Variants in TENM3 observed in about 807,000 individuals in gnomAD.
TENM3 encodes teneurin transmembrane protein 3.
TENM3 carries 63 observed loss-of-function variants against 255.1 expected under a neutral mutation model. The observed-to-expected ratio is 0.25, with a 90% confidence interval of 0.20 to 0.30. The LOEUF (loss-of-function observed/expected upper bound fraction) is 0.30, where lower values mean the gene tolerates loss of function less well. Among genes scored for constraint, TENM3 ranks in the 10% least tolerant of loss-of-function variants. The pLI is 1.00. For missense variants in TENM3, 2,929 were observed against 3,461.1 expected (o/e 0.85, Z 3.86); for synonymous variants, 1,306 against 1,322.3 (o/e 0.99, Z 0.27).
intron 2 of TENM3, among the ~76,000 whole-genome samples, chr4:182,340,501 C>G (rs1764420294): frequency 1.3e-5 from 2 of 152,118 alleles, no homozygotes; most frequent in African/African-American, 4.8e-5. Context: ...AAGTTAGTTT[C>G]TTAAACCTGT....
intron 1 of TENM3, among the ~76,000 whole-genome samples, chr4:182,255,072 A>G (rs1449555177): frequency 6.6e-6 from 1 of 152,196 alleles, no homozygotes; most frequent in African/African-American, 2.4e-5. Flanking sequence ...AGTGCAGCAC[A>G]AAGGAGCCAG....
the TENM3 span, among the ~76,000 whole-genome samples, chr4:181,863,690 G>A: frequency 6.6e-6 from 1 of 151,984 alleles, no homozygotes; most frequent in African/African-American, 2.4e-5. Context: ...CATTATTGCA[G>A]GTCCCCTACT....
the TENM3 span, among the ~76,000 whole-genome samples, chr4:181,713,874 C>CCCT: frequency 6.6e-6 from 1 of 152,126 alleles, no homozygotes; most frequent in Non-Finnish European, 1.5e-5. Flanking sequence ...GATCAAGGTA[C>CCCT]CCTTAGCCAA....
chr4:182,041,976 G>A, the TENM3 span, among the ~76,000 whole-genome samples: 1 of 152,162 alleles, frequency 6.6e-6, no homozygotes, highest in South Asian at 2.1e-4. Context: ...TCAGATGAAT[G>A]AGGACATTCG....
At chr4:182,250,688 A>C (rs1367784911) in intron 1 of TENM3, among the ~76,000 whole-genome samples, 1 of 152,256 alleles carries the variant, frequency 6.6e-6, no homozygotes, top group Non-Finnish European at 1.5e-5. Context: ...TAAACTATCT[A>C]TAACCTCCAG....
At chr4:181,858,089 T>A in the TENM3 span, among the ~76,000 whole-genome samples, 1 of 152,200 alleles carries the variant, frequency 6.6e-6, no homozygotes, top group Non-Finnish European at 1.5e-5. Context: ...ATTAAAATCA[T>A]TTAATTTTGG....
At chr4:182,638,979 G>T (rs1015028926) in intron 5 of TENM3, among the ~76,000 whole-genome samples, 1 of 152,174 alleles carries the variant, frequency 6.6e-6, no homozygotes, top group African/African-American at 2.4e-5. Context: ...GGTTTTGAGA[G>T]AAAATTGTAC....
At chr4:182,710,749 T>G (rs1758690712) in intron 12 of TENM3, among the ~76,000 whole-genome samples, 1 of 152,220 alleles carries the variant, frequency 6.6e-6, no homozygotes, top group Non-Finnish European at 1.5e-5. Context: ...TTTAGATCAT[T>G]AAAGATGTAT....
rs997792715 is a variant in TENM3, at chr4:182,745,359, G to T, written c.3629+1940G>T. Reference sequence around the variant, plus strand: ...AGCTCTGCTATTAGAAACCACAATAGAATTTCAAAAACTTGCTGGTCTTGT... The same window carrying T: ...AGCTCTGCTATTAGAAACCACAATATAATTTCAAAAACTTGCTGGTCTTGT... On this transcript the variant is annotated intron_variant, in intron 19 of 27. Coordinates refer to ENST00000511685, the MANE Select transcript of TENM3 (RefSeq NM_001080477.4). 2.0e-5 allele frequency among the ~76,000 whole-genome samples: 3 copies of T among 152,158 alleles called. No individual in the cohort carries two copies. In the South Asian group the frequency reaches 6.2e-4, roughly 32 times the overall value.
chr4:182,789,358 G>A lies in TENM3; in HGVS notation c.5570G>A (p.Gly1857Asp), dbSNP rs1267354032. The A allele has an allele frequency of 6.2e-7, 1 of 1,613,568 alleles. No individual in the cohort carries two copies. Among genetic ancestry groups the A allele is most frequent in the East Asian group, 2.2e-5 (1 of 44,868 alleles). The change falls in exon 25 of 28, where the codon GGT becomes GAT. Residue 1857 changes from glycine (G) to aspartate (D), a missense_variant. Physicochemically the swap from Gly to Asp is moderately conservative, Grantham distance 94. This residue lies in a region of TENM3 where 303 missense variants were observed against 425.2 expected (regional missense o/e 0.71). Transcript: ENST00000511685. The surrounding 1 kb of genome is among the most constrained non-coding windows in gnomAD (Gnocchi z 4.4). ...ATCGTGTCTCGGGTCTTTGCTGATG[G>A]TAAAACATGGAGTTACACATATTTA... ...GRIVSRVFAD[G>D]KTWSYTYLEK... is the part of the protein sequence containing the mutation.
Position 182,681,962 on chromosome 4 carries a change from A to G in TENM3, c.1983A>G (p.Glu661=). ...QCSGHGTYLQ[E]SGSCTCDPNW... ...CCGGCCACGGAACGTATCTTCAAGA[A>G]AGTGGCTCCTGCACGTGTGACCCTA... Residue 661 remains glutamate, a synonymous_variant, in exon 11 of 28, where the codon GAA becomes GAG. Transcript: ENST00000511685. The G allele has an allele frequency of 6.2e-7, 1 of 1,613,984 alleles. No homozygotes were observed. Among genetic ancestry groups the G allele is most frequent in the Non-Finnish European group, 8.5e-7 (1 of 1,179,876 alleles).
chr4:182,690,055 G>T (rs1041502353), intron 12 of TENM3, among the ~76,000 whole-genome samples: 2 of 152,206 alleles, frequency 1.3e-5, no homozygotes, highest in Non-Finnish European at 1.5e-5. Context: ...CCTAAGAAGA[G>T]TAGGTGTGGA....
chr4:182,278,933 A>AG (rs1760189915), intron 1 of TENM3, among the ~76,000 whole-genome samples: 2 of 152,312 alleles, frequency 1.3e-5, no homozygotes, highest in East Asian at 3.9e-4. Flanking sequence ...ACAGAAGAGG[A>AG]GGCTCTGGAC....
At chr4:181,498,727 CA>C in the TENM3 span, among the ~76,000 whole-genome samples, 1 of 152,058 alleles carries the variant, frequency 6.6e-6, no homozygotes, top group Non-Finnish European at 1.5e-5. Flanking sequence ...ATAGAACTGA[CA>C]ATTTCATGAA....
At chr4:182,737,888 T>A (rs954263352) in intron 17 of TENM3, among the ~76,000 whole-genome samples, 1 of 152,194 alleles carries the variant, frequency 6.6e-6, no homozygotes, top group African/African-American at 2.4e-5. Context: ...TGTGGTTTAT[T>A]CATATTACTG....
chr4:182,137,686 C>T, the TENM3 span, among the ~76,000 whole-genome samples: 3 of 152,258 alleles, frequency 2.0e-5, no homozygotes, highest in Non-Finnish European at 2.9e-5. Flanking sequence ...CTTTCTCTCT[C>T]GGAGCAGAAA....
the TENM3 span, among the ~76,000 whole-genome samples, chr4:182,017,369 T>C: frequency 7.9e-5 from 12 of 152,392 alleles, no homozygotes; most frequent in South Asian, 4.1e-4. Context: ...AAAATTGGCT[T>C]GCTTGTGTGC....
the TENM3 span, among the ~76,000 whole-genome samples, chr4:181,484,936 G>GATTATT: frequency 6.6e-6 from 1 of 152,034 alleles, no homozygotes; most frequent in African/African-American, 2.4e-5. Flanking sequence ...TTTCTTCAAG[G>GATTATT]ATTATTTTGT....
At chr4:181,941,494 G>A in the TENM3 span, among the ~76,000 whole-genome samples, 1 of 152,008 alleles carries the variant, frequency 6.6e-6, no homozygotes, top group Non-Finnish European at 1.5e-5. Context: ...TCACTTATAA[G>A]GTTCTATTTG....
Sources: allele counts gnomAD v4.1 joint callset (sites outside exome capture counted in the v4.1 genomes callset), GRCh38; gene constraint gnomAD v4.1.1; regional missense constraint gnomAD v4.1.1; non-coding constraint Gnocchi (gnomAD v3.1); transcripts MANE v1.5; gene names NCBI Gene and HGNC (gene_info 2026-07-23, HGNC 2026-07-21).